Variants in ARHGEF11 observed in about 807,000 individuals in gnomAD.
ARHGEF11 encodes the protein Rho guanine exchange factor (GEF) 11.
Under a neutral mutation model 193.7 loss-of-function variants are expected in ARHGEF11, and 55 were observed. That is an observed-to-expected ratio of 0.28 (90% CI 0.23 to 0.36). ARHGEF11 has a LOEUF of 0.36. ARHGEF11 is among the 10% of genes least tolerant of loss of function. ARHGEF11 has a pLI of 1.00. For missense variants in ARHGEF11, 1,723 were observed against 2,005.6 expected (o/e 0.86, Z 2.69); for synonymous variants, 693 against 768.0 (o/e 0.90, Z 1.62).
At chr1:156,936,497 A>AAATAAAAAAAAAAATATATATATATAT (rs370282821) in intron 40 of ARHGEF11, among the ~76,000 whole-genome samples, 1 of 33,916 alleles carries the variant, frequency 2.9e-5, no homozygotes, top group African/African-American at 1.5e-4. Flanking sequence ...AAAAAAAAAA[A>AAATAAAAAAAAAAATATATATATATAT]ATATATATAT....
At chr1:156,992,407 T>C (rs1485606147) in intron 1 of ARHGEF11, among the ~76,000 whole-genome samples, 3 of 152,182 alleles carry the variant, frequency 2.0e-5, no homozygotes, top group Non-Finnish European at 4.4e-5. Context: ...GGGCAGAGGT[T>C]GCAGTGTGGA....
At chr1:156,940,183 A>C in intron 36 of ARHGEF11, 24 bp downstream of exon 36, 1 of 1,543,298 alleles carries the variant, frequency 6.5e-7, no homozygotes, top group Non-Finnish European at 8.7e-7. Flanking sequence ...CCAGGGGCTG[A>C]CGGCAGGGCC....
intron 20 of ARHGEF11, among the ~76,000 whole-genome samples, chr1:156,955,408 A>G (rs1659805004): frequency 6.6e-6 from 1 of 152,166 alleles, no homozygotes; most frequent in African/African-American, 2.4e-5. Flanking sequence ...TTCTGTCCAC[A>G]GGGCGATCCT....
intron 21 of ARHGEF11, among the ~76,000 whole-genome samples, chr1:156,952,562 C>T (rs887893436): frequency 6.6e-6 from 1 of 152,242 alleles, no homozygotes; most frequent in African/African-American, 2.4e-5. Flanking sequence ...GCAATATCAA[C>T]AGCCCAGGGT....
chr1:156,981,694 G>A (rs1360293798), intron 3 of ARHGEF11, among the ~76,000 whole-genome samples: 1 of 151,888 alleles, frequency 6.6e-6, no homozygotes, highest in Non-Finnish European at 1.5e-5. Context: ...GGCTGGTCTT[G>A]GAACTCCTGA....
rs375264879 is a variant in ARHGEF11 at position 156,986,102 on chromosome 1, G to C, written c.104C>G (p.Ser35Trp). 4 of 1,613,966 alleles carry C rather than the reference G, an allele frequency of 2.5e-6. No individual in the cohort carries two copies. Among genetic ancestry groups the C allele is most frequent in the Admixed American group, 1.7e-5 (1 of 60,026 alleles). Residue 35 changes from serine (S) to tryptophan (W), a missense_variant, in exon 2 of 41, where the codon TCG (serine) becomes TGG (tryptophan). By Grantham distance (177) the Ser-to-Trp change is radical. Transcript: ENST00000368194. Reference protein sequence around the residue: ...RKSPSHHRQPSDASETTGLVQ... With the variant: ...RKSPSHHRQPWDASETTGLVQ... Reference sequence around the variant, plus strand: ...GTTACCTGTTGTCTCAGAGGCATCCGAAGGCTGGCGATGGTGGGAAGGGGA... The same window carrying C: ...GTTACCTGTTGTCTCAGAGGCATCCCAAGGCTGGCGATGGTGGGAAGGGGA...
In ARHGEF11 at chr1:156,998,488, C is replaced by T. The variant is rs75217246; in HGVS notation, c.33-12315G>A. ...GGGACTGAGAGCAAACTATTTTCTG[C>T]GAACCTCAGTTTTCTCATCTACAAA... On this transcript the variant is annotated intron_variant, in intron 1 of 40. Coordinates refer to ENST00000368194, the MANE Select transcript of ARHGEF11 (RefSeq NM_198236.3). Among the ~76,000 whole-genome samples the T allele has an allele frequency of 8.5e-4, 129 of 152,280 alleles. 1 individual carries two copies. In the East Asian group the frequency reaches 0.018, roughly 22 times the overall value.
At chr1:157,017,234 T>C (rs868816554) in intron 1 of ARHGEF11, among the ~76,000 whole-genome samples, 5 of 152,162 alleles carry the variant, frequency 3.3e-5, no homozygotes, top group African/African-American at 9.7e-5. Flanking sequence ...GCAGAGATCA[T>C]CTCACTGCCC....
chr1:157,041,768 C>T (rs34628922), intron 1 of ARHGEF11, among the ~76,000 whole-genome samples: 4,247 of 152,240 alleles, frequency 0.028, 92 homozygotes, highest in Non-Finnish European at 0.041. Flanking sequence ...ACCAAACTGT[C>T]CCTGCTTGTG....
intron 1 of ARHGEF11, among the ~76,000 whole-genome samples, chr1:157,040,682 A>C (rs1672629154): frequency 6.6e-6 from 1 of 152,220 alleles, no homozygotes; most frequent in Admixed American, 6.5e-5. Flanking sequence ...TAAATTCTTC[A>C]AAATGATATA....
Position 156,948,546 on chromosome 1 carries a change from C to T in ARHGEF11, c.1926-48G>A, listed in dbSNP as rs765867241. 5.6e-6 allele frequency: 9 copies of T among 1,613,874 alleles called. No homozygotes were observed. Among genetic ancestry groups the T allele is most frequent in the Non-Finnish European group, 7.6e-6 (9 of 1,180,038 alleles). ...TTTGGGACTTGGGAAGTCAGTGGGCCATGCTTACATCCTGGCTAACTCTTA... is the reference window on the plus strand; with the variant it reads ...TTTGGGACTTGGGAAGTCAGTGGGCTATGCTTACATCCTGGCTAACTCTTA... On this transcript the variant is annotated intron_variant, in intron 22 of 40. Transcript: ENST00000368194. The surrounding 1 kb of genome is among the most constrained non-coding windows in gnomAD (Gnocchi z 4.2).
chr1:156,944,102 T>C lies in ARHGEF11; in HGVS notation c.3068A>G (p.Asp1023Gly). 3 of 1,613,124 alleles carry C rather than the reference T, an allele frequency of 1.9e-6. No individual in the cohort carries two copies. The highest frequency in any genetic ancestry group is 2.5e-6 in the Non-Finnish European group (3 of 1,179,506). ...TWRISKDKTL[D>G]LHVLLLEDLL... Reference sequence around the variant, plus strand: ...GTCCTCCAGCAGCAGCACGTGGAGGTCTGGAGGGGTATGGTCATGGGAAGG... The same window carrying C: ...GTCCTCCAGCAGCAGCACGTGGAGGCCTGGAGGGGTATGGTCATGGGAAGG... The change falls in exon 32 of 41, where the codon GAC becomes GGC. Residue 1023 changes from aspartate to glycine, a missense_variant and splice_region_variant. Physicochemically the swap from Asp to Gly is moderately conservative, Grantham distance 94. Transcript: ENST00000368194.
At chr1:156,957,919 T>A in intron 17 of ARHGEF11, 104 bp from the exon 18 acceptor site, 1 of 1,075,850 alleles carries the variant, frequency 9.3e-7, no homozygotes, top group Non-Finnish European at 1.4e-6. Flanking sequence ...GAAAGGAGGG[T>A]TAGTGGGGGA....
At chr1:156,951,735 G>A in intron 21 of ARHGEF11, 36 bp from the exon 22 acceptor site, 3 of 1,612,788 alleles carry the variant, frequency 1.9e-6, no homozygotes, top group Non-Finnish European at 2.5e-6. Flanking sequence ...CACTAGGCTT[G>A]CTGTTCAGGG....
At chr1:157,019,346 G>A (rs921596777) in intron 1 of ARHGEF11, among the ~76,000 whole-genome samples, 4 of 152,158 alleles carry the variant, frequency 2.6e-5, no homozygotes, top group African/African-American at 9.7e-5. Flanking sequence ...ATGTTACTAT[G>A]TATGTACTAA....
rs1013134028 is a variant in ARHGEF11 at position 156,941,774 on chromosome 1, C to T, written c.3452+90G>A. On this transcript the variant is annotated intron_variant, in intron 34 of 40. Transcript: ENST00000368194. Reference sequence around the variant, plus strand: ...GCTAGCATTTCCCTGTTGTGGCTGTCTACCCACGGGGGCGAAGGGCTTAAA... The same window carrying T: ...GCTAGCATTTCCCTGTTGTGGCTGTTTACCCACGGGGGCGAAGGGCTTAAA... 3 of 1,505,418 alleles carry T rather than the reference C, an allele frequency of 2.0e-6. No homozygotes were observed. The African/African-American group carries it at 4.2e-5, about 21-fold the overall frequency. 93.3% of individuals were successfully genotyped at this position (1,505,418 alleles called of 1,614,324 possible).
chr1:156,984,343 C>A lies in ARHGEF11; in HGVS notation c.219G>T (p.Arg73=). 6.3e-7 allele frequency: 1 copy of A among 1,584,454 alleles called. No homozygotes were observed. The highest frequency in any genetic ancestry group is 8.6e-7 in the Non-Finnish European group (1 of 1,164,650). Reference sequence around the variant, plus strand: ...CAGGAGGGATGCAGCACTCACCAGGCCGCACAGACTGCACCAGAACAATGC... The same window carrying A: ...CAGGAGGGATGCAGCACTCACCAGGACGCACAGACTGCACCAGAACAATGC... The part of the protein sequence containing the change: ...GDRIVLVQSV[R]PGGAAMKAGV... The change falls in exon 3 of 41, where the codon CGG becomes CGT. Residue 73 remains arginine, a synonymous_variant. Coordinates refer to ENST00000368194, the MANE Select transcript of ARHGEF11 (RefSeq NM_198236.3).
At position 156,973,664 on chromosome 1, in the gene ARHGEF11, A is replaced by AGCTCT. The variant is rs762712229; in HGVS notation, c.583-1853_583-1849dup. ...AGCTGACCTTCATTTCCTTCCCCTAAGCTCTGCTCCTCTCCTCTATCTCAC... is the reference window on the plus strand; with the variant it reads ...AGCTGACCTTCATTTCCTTCCCCTAAGCTCTGCTCTGCTCCTCTCCTCTATCTCAC... On this transcript the variant is annotated intron_variant, in intron 7 of 40. Coordinates refer to ENST00000368194, the MANE Select transcript of ARHGEF11 (RefSeq NM_198236.3). 3.3e-4 allele frequency among the ~76,000 whole-genome samples: 50 copies of AGCTCT among 152,114 alleles called. 1 individual carries two copies. The highest frequency in any genetic ancestry group is 2.3e-3 in the South Asian group (11 of 4,808).
Position 156,956,317 on chromosome 1 carries a change from T to C in ARHGEF11, c.1671+103A>G, listed in dbSNP as rs541592362. The C allele has an allele frequency of 4.2e-4, 485 of 1,159,060 alleles. No individual in the cohort carries two copies. In the African/African-American group the frequency reaches 5.8e-3, roughly 14 times the overall value. The allele number at this position is 1,159,060 out of a possible 1,614,324, so 71.8% of individuals were successfully genotyped here. Reference sequence around the variant, plus strand: ...TTTTAATAGAGATGGGGTTTCACCATGTTGCCCAGGCTGGTCTCGAACTCC... The same window carrying C: ...TTTTAATAGAGATGGGGTTTCACCACGTTGCCCAGGCTGGTCTCGAACTCC... On this transcript the variant is annotated intron_variant, in intron 19 of 40. Coordinates refer to ENST00000368194, the MANE Select transcript of ARHGEF11 (RefSeq NM_198236.3).
Sources: gnomAD v4.1 joint callset for allele counts (sites outside exome capture counted in the v4.1 genomes callset) on GRCh38, gnomAD v4.1.1 for gene constraint, Gnocchi (gnomAD v3.1) non-coding constraint, MANE v1.5 for transcripts, NCBI Gene and HGNC (gene_info 2026-07-23, HGNC 2026-07-21) for gene names.